The following ENSA variants were observed in gnomAD, a reference collection of about 807,000 sequenced individuals.
ENSA encodes alpha-endosulfine.
ENSA carries 7 observed loss-of-function variants against 16.8 expected under a neutral mutation model. The observed-to-expected ratio is 0.42, with a 90% CI of 0.24 to 0.78. ENSA has a LOEUF of 0.78. Among genes scored for constraint, ENSA ranks in the 30% least tolerant of loss-of-function variants. ENSA has a pLI of 0.29. For synonymous variants in ENSA, 58 were observed against 53.4 expected, an observed-to-expected ratio of 1.09 and a Z score of -0.37; for missense variants, 87 against 142.3, an observed-to-expected ratio of 0.61 and a Z score of 1.98.
At chr1:150,625,071 G>T in intron 3 of ENSA, 12 of 985,362 alleles carry the variant, frequency 1.2e-5, no homozygotes, top group Non-Finnish European at 1.4e-5. Flanking sequence ...AGAGCAAACT[G>T]TAAGAGATAC....
chr1:150,629,227 G>A, intron 1 of ENSA, 187 bp downstream of exon 1: 1 of 1,549,110 alleles, frequency 6.5e-7, no homozygotes, highest in Non-Finnish European at 8.8e-7. Flanking sequence ...ACAGTACTGA[G>A]TGACAAACGA....
rs17847053 is a variant in ENSA at position 150,627,650 on chromosome 1, A to T, written c.58-58T>A. On this transcript the variant is annotated intron_variant, in intron 1 of 3. Transcript: ENST00000369014. ...AGACTGAGAAACAACAGCTTCTCAC[A>T]TCTGATAACAACTATACTATCAACT... 6.5e-4 allele frequency: 999 copies of T among 1,532,902 alleles called. 20 individuals are homozygous for T. The East Asian group carries it at 0.022, about 34-fold the overall frequency. 95.0% of individuals were successfully genotyped at this position (1,532,902 alleles called of 1,614,324 possible).
At chr1:150,626,506 C>T in intron 2 of ENSA, 1 of 1,613,852 alleles carries the variant, frequency 6.2e-7, no homozygotes, top group South Asian at 1.1e-5. Context: ...GAAGCACACT[C>T]CAATGTAATG....
rs587714097 is a variant in ENSA, at chr1:150,622,168, C to T, written c.*676G>A. ...TCATGGGTTTTTGTTTTGTTTATTT[C>T]GAATACTGAAAAAGTCCTTTGGGCT... On this transcript the variant is annotated 3_prime_UTR_variant, in exon 4 of 4. Coordinates refer to ENST00000369014, the MANE Select transcript of ENSA (RefSeq NM_004436.4). 5.3e-5 allele frequency: 8 copies of T among 152,244 alleles called. No individual in the cohort carries two copies. Among genetic ancestry groups the T allele is most frequent in the East Asian group, 3.9e-4 (2 of 5,176 alleles). 9.4% of individuals were successfully genotyped at this position (152,244 alleles called of 1,614,324 possible). A position where few individuals can be genotyped will look rare whatever the true frequency, so the allele number is the denominator to read the frequency against.
intron 2 of ENSA, among the ~76,000 whole-genome samples, chr1:150,626,708 C>T (rs1353596802): frequency 1.3e-5 from 2 of 152,222 alleles, no homozygotes; most frequent in Admixed American, 6.5e-5. Flanking sequence ...AGGCGCCCGC[C>T]ACCACACCCG....
At chr1:150,624,448 G>A in intron 3 of ENSA, 1 of 985,934 alleles carries the variant, frequency 1.0e-6, no homozygotes, top group Non-Finnish European at 1.2e-6. Context: ...ACATGTGCAT[G>A]ACTGAGCATG....
intron 2 of ENSA, chr1:150,626,434 C>T: frequency 1.9e-6 from 3 of 1,582,376 alleles, no homozygotes; most frequent in Non-Finnish European, 8.7e-7. Flanking sequence ...TCATCTGTGA[C>T]TAAGACTCAA....
chr1:150,621,618 T>C (rs1649003763), downstream of ENSA: 1 of 152,240 alleles, frequency 6.6e-6, no homozygotes, highest in Admixed American at 6.5e-5. Context: ...TACGTTACAT[T>C]CACAGGCAGC....
At position 150,627,603 on chromosome 1, in the gene ENSA, C is replaced by A. The variant is rs759597636; in HGVS notation, c.58-11G>T. 6.3e-7 allele frequency: 1 copy of A among 1,594,634 alleles called. No homozygotes were observed. Among genetic ancestry groups the A allele is most frequent in the South Asian group, 1.1e-5 (1 of 87,900 alleles). ...TTTCTCCTGCGTGTCCTGGAGAAAA[C>A]AAATGAGCCAAATAAAATTAAAGAC... On this transcript the variant is annotated splice_polypyrimidine_tract_variant and intron_variant, in intron 1 of 3. Transcript: ENST00000369014.
chr1:150,628,492 C>A (rs149019663), intron 1 of ENSA, among the ~76,000 whole-genome samples: 1 of 151,270 alleles, frequency 6.6e-6, no homozygotes, highest in African/African-American at 2.4e-5. Context: ...CTACTGTAGT[C>A]AATCTCTTTT....
intron 2 of ENSA, among the ~76,000 whole-genome samples, chr1:150,626,166 TG>T (rs1188042393): frequency 6.6e-6 from 1 of 152,148 alleles, no homozygotes; most frequent in East Asian, 1.9e-4. Flanking sequence ...GGCAATAGCC[TG>T]GAACTGGAGA....
rs1571005473 is a variant in ENSA, at chr1:150,622,789, C to G, written c.*55G>C. On this transcript the variant is annotated 3_prime_UTR_variant, in exon 4 of 4. Transcript: ENST00000369014. Reference sequence around the variant, plus strand: ...GAAGGGGCAGGAGCCAGCACAGGACCCGGGTGGGGCAGGGAGGGGAAGCGT... The same window carrying G: ...GAAGGGGCAGGAGCCAGCACAGGACGCGGGTGGGGCAGGGAGGGGAAGCGT... The G allele has an allele frequency of 1.3e-6, 2 of 1,547,124 alleles. No homozygotes were observed. Among genetic ancestry groups the G allele is most frequent in the Non-Finnish European group, 1.7e-6 (2 of 1,145,382 alleles).
intron 1 of ENSA, 198 bp downstream of exon 1, chr1:150,629,216 T>G (rs1042897904): frequency 3.8e-6 from 6 of 1,576,858 alleles, no homozygotes; most frequent in East Asian, 4.5e-5. Context: ...TCAGGAAGAG[T>G]ACAGTACTGA....
At chr1:150,626,932 C>G (rs1012960410) in intron 2 of ENSA, 32 of 483,618 alleles carry the variant, frequency 6.6e-5, no homozygotes, top group Non-Finnish European at 8.4e-5. Context: ...AGCTACATGG[C>G]TATGAAAGTA....
At position 150,629,588 on chromosome 1, in the gene ENSA, A is replaced by T; in HGVS notation, c.-118T>A. On this transcript the variant is annotated 5_prime_UTR_variant, in exon 1 of 4. Coordinates refer to ENST00000369014, the MANE Select transcript of ENSA (RefSeq NM_004436.4). ...TCGGCTCCTGTCACTAGGGTTGCTC[A>T]GTCAAAATGGCGGCCCTTGCCCGTG... 1 of 1,333,570 alleles carries T rather than the reference A, an allele frequency of 7.5e-7. No individual in the cohort carries two copies. The highest frequency in any genetic ancestry group is 1.0e-6 in the Non-Finnish European group (1 of 968,614). 82.6% of individuals were successfully genotyped at this position (1,333,570 alleles called of 1,614,324 possible).
intron 3 of ENSA, chr1:150,624,428 A>G: frequency 1.0e-6 from 1 of 985,934 alleles, no homozygotes; most frequent in Non-Finnish European, 1.2e-6. Flanking sequence ...CATCTGAAAC[A>G]TGGGTCAACA....
chr1:150,626,378 G>T, intron 2 of ENSA: 2 of 1,133,524 alleles, frequency 1.8e-6, no homozygotes, highest in Non-Finnish European at 2.6e-6. Flanking sequence ...GCCTGCCCAC[G>T]CCTGCCTTGC....
At position 150,622,486 on chromosome 1, in the gene ENSA, C is replaced by T. The variant is rs1182508091; in HGVS notation, c.*358G>A. On this transcript the variant is annotated 3_prime_UTR_variant, in exon 4 of 4. Coordinates refer to ENST00000369014, the MANE Select transcript of ENSA (RefSeq NM_004436.4). ...CCTCATACCTACCCCACATCAGCCA[C>T]GTGGTTAAGAAGGATAGTCAGGAAT... The T allele has an allele frequency of 1.4e-5, 4 of 279,812 alleles. No homozygotes were observed. The highest frequency in any genetic ancestry group is 1.2e-4 in the East Asian group (2 of 16,324). The allele number at this position is 279,812 out of a possible 1,614,324, so 17.3% of individuals were successfully genotyped here.
intron 2 of ENSA, chr1:150,627,029 G>A (rs1480746996): frequency 8.5e-7 from 1 of 1,182,838 alleles, no homozygotes; most frequent in Non-Finnish European, 1.1e-6. Context: ...CTCACTTCAA[G>A]GGTATGAAGA....
Sources: gnomAD v4.1 joint callset for allele counts (sites outside exome capture counted in the v4.1 genomes callset) on GRCh38, gnomAD v4.1.1 for gene constraint, MANE v1.5 for transcripts, NCBI Gene and HGNC (gene_info 2026-07-23, HGNC 2026-07-21) for gene names.